MYOM2: variants seen among roughly 807,000 people sequenced by gnomAD.
The protein encoded by MYOM2 is myomesin 2.
A neutral mutation model predicts 187.6 loss-of-function variants in MYOM2; 254 were observed. The ratio of observed to expected loss-of-function variants is 1.35; its 90% CI spans 1.22 to 1.50. MYOM2 has a LOEUF of 1.50. Among genes scored for constraint, MYOM2 ranks in the 40% most tolerant of loss-of-function variants. The pLI is 0.00. For synonymous variants in MYOM2, 981 were observed against 753.8 expected, an observed-to-expected ratio of 1.30 and a Z score of -4.94; for missense variants, 2,796 against 1,924.0, an observed-to-expected ratio of 1.45 and a Z score of -8.48.
chr8:2,104,827 C>G (rs7842894), intron 21 of MYOM2, among the ~76,000 whole-genome samples: 90,369 of 151,990 alleles, frequency 0.59, 27,160 homozygotes, highest in African/African-American at 0.67. Context: ...ACTGGAACTA[C>G]TCCATTCCAG....
intron 36 of MYOM2, among the ~76,000 whole-genome samples, chr8:2,144,462 G>T (rs1296692353): frequency 6.6e-6 from 1 of 152,198 alleles, no homozygotes; most frequent in Admixed American, 6.5e-5. Flanking sequence ...GAGCTCGCCT[G>T]TGAAGTGGTG....
intron 20 of MYOM2, chr8:2,101,871 C>T (rs1218937939): frequency 6.6e-6 from 1 of 152,310 alleles, no homozygotes; most frequent in East Asian, 1.9e-4. Flanking sequence ...CTTCCTCCAG[C>T]CTCTCTTTCT....
rs1171053209 is a variant in MYOM2, at chr8:2,073,511, C to G, written c.1120+11C>G. On this transcript the variant is annotated intron_variant, in intron 10 of 36. Transcript: ENST00000262113. The stretch of plus-strand genomic sequence containing the variant: ...TCCTGTTTGTCAGAGGTGCGGGCAG[C>G]AGGGTTCTCAGGGTGCAGACCTTGT... The G allele has an allele frequency of 1.9e-6, 3 of 1,587,548 alleles. No homozygotes were observed. The highest frequency in any genetic ancestry group is 2.6e-6 in the Non-Finnish European group (3 of 1,174,398).
chr8:2,136,302 C>A (rs1381248770), intron 32 of MYOM2, among the ~76,000 whole-genome samples: 2 of 152,162 alleles, frequency 1.3e-5, no homozygotes, highest in Non-Finnish European at 2.9e-5. Context: ...ATCTTGCATG[C>A]ATGCATGTGT....
chr8:2,108,843 C>G lies in MYOM2; in HGVS notation c.3043+13C>G, dbSNP rs770024017. 4 of 1,613,630 alleles carry G rather than the reference C, an allele frequency of 2.5e-6. No individual in the cohort carries two copies. Among genetic ancestry groups the G allele is most frequent in the Non-Finnish European group, 3.4e-6 (4 of 1,179,732 alleles). ...ATAAAGAACCCCAGTAAGTAAGCCT[C>G]CAGCCCTTCCCCTCTGCTTGCAGCT... is the stretch of plus-strand genomic sequence containing the variant. On this transcript the variant is annotated intron_variant, in intron 24 of 36. Transcript: ENST00000262113.
At chr8:2,093,197 G>A (rs551262785) in intron 16 of MYOM2, among the ~76,000 whole-genome samples, 1 of 152,310 alleles carries the variant, frequency 6.6e-6, no homozygotes, top group East Asian at 1.9e-4. Context: ...AAAATACACT[G>A]TAAAAAGTGG....
Position 2,045,135 on chromosome 8 carries a change from C to A in MYOM2, c.-46C>A, listed in dbSNP as rs1038219680. On this transcript the variant is annotated 5_prime_UTR_variant, in exon 1 of 37. Coordinates refer to ENST00000262113, the MANE Select transcript of MYOM2 (RefSeq NM_003970.4). ...CTTGGTGAGCCGGTGGTCAGGAATT[C>A]TCTCTCCTCCTTGCAATTTTCCTTT... 1 of 152,416 alleles carries A rather than the reference C, an allele frequency of 6.6e-6. No individual in the cohort carries two copies. Among genetic ancestry groups the A allele is most frequent in the Non-Finnish European group, 1.5e-5 (1 of 68,068 alleles). The allele number at this position is 152,416 out of a possible 1,614,324, so 9.4% of individuals were successfully genotyped here.
intron 5 of MYOM2, 29 bp downstream of exon 5, chr8:2,057,809 G>A: frequency 6.2e-7 from 1 of 1,604,720 alleles, no homozygotes; most frequent in African/African-American, 1.3e-5. Context: ...AGGGGGTGAA[G>A]AAGTCCATTC....
intron 23 of MYOM2, among the ~76,000 whole-genome samples, chr8:2,107,143 A>G (rs1180886319): frequency 6.6e-6 from 1 of 152,204 alleles, no homozygotes; most frequent in Non-Finnish European, 1.5e-5. Flanking sequence ...GTCTGAGTTC[A>G]CCAGGCACAC....
At chr8:2,055,948 C>T (rs1029367285) in intron 3 of MYOM2, among the ~76,000 whole-genome samples, 2 of 152,162 alleles carry the variant, frequency 1.3e-5, no homozygotes, top group Admixed American at 6.5e-5. Context: ...TCCGGCTCGG[C>T]CACCTTTCCC....
intron 13 of MYOM2, among the ~76,000 whole-genome samples, chr8:2,083,687 C>A (rs1036957361): frequency 1.3e-5 from 2 of 152,238 alleles, no homozygotes; most frequent in Non-Finnish European, 2.9e-5. Flanking sequence ...GCTTCCCTCT[C>A]CCTGGCTCGA....
chr8:2,133,970 C>G (rs56272745), intron 32 of MYOM2, among the ~76,000 whole-genome samples: 106,149 of 143,138 alleles, frequency 0.74, 39,662 homozygotes, highest in African/African-American at 0.86. Flanking sequence ...TTAACGTCTT[C>G]TGTAGCCACC....
At chr8:2,132,581 T>TTC (rs200543777) in intron 32 of MYOM2, among the ~76,000 whole-genome samples, 15 of 144,908 alleles carry the variant, frequency 1.0e-4, no homozygotes, top group Non-Finnish European at 1.8e-4. Flanking sequence ...CAGTCTCTCT[T>TTC]TCTCTCTCTC....
chr8:2,100,588 C>G, intron 19 of MYOM2: 2 of 418,038 alleles, frequency 4.8e-6, no homozygotes, highest in South Asian at 3.6e-5. Context: ...GCACACCGTT[C>G]CTCTCTGTGA....
At chr8:2,112,763 A>T (rs1797109663) in intron 25 of MYOM2, among the ~76,000 whole-genome samples, 1 of 152,244 alleles carries the variant, frequency 6.6e-6, no homozygotes, top group Non-Finnish European at 1.5e-5. Flanking sequence ...AGAACATGTG[A>T]AAACAAATGC....
At chr8:2,094,841 C>T (rs1174703133) in intron 17 of MYOM2, among the ~76,000 whole-genome samples, 1 of 152,096 alleles carries the variant, frequency 6.6e-6, no homozygotes, top group African/African-American at 2.4e-5. Context: ...TTATTTTGAT[C>T]AAACGAGACA....
rs79319402 is a variant in MYOM2, at chr8:2,047,359, C to T, written c.-13+2191C>T. Among the ~76,000 whole-genome samples the T allele has an allele frequency of 9.2e-5, 14 of 152,224 alleles. No individual in the cohort carries two copies. The East Asian group carries it at 2.5e-3, about 27-fold the overall frequency. The stretch of plus-strand genomic sequence containing the variant: ...AGTCCCCCAAGGAGTGAAGAGATTG[C>T]GGAGGGGACACACATTCAGGGTGGG... On this transcript the variant is annotated intron_variant, in intron 1 of 36. Coordinates refer to ENST00000262113, the MANE Select transcript of MYOM2 (RefSeq NM_003970.4).
chr8:2,063,796 G>C (rs954016423), intron 6 of MYOM2, among the ~76,000 whole-genome samples: 12 of 152,170 alleles, frequency 7.9e-5, no homozygotes, highest in Non-Finnish European at 1.5e-4. Context: ...TCTCCCAGGG[G>C]GTTGTTTTAG....
intron 28 of MYOM2, among the ~76,000 whole-genome samples, chr8:2,118,329 T>C (rs1797315092): frequency 6.6e-6 from 1 of 152,212 alleles, no homozygotes; most frequent in African/African-American, 2.4e-5. Context: ...AAGATACTTC[T>C]TTCAGTTTCG....
Sources: gnomAD v4.1 joint callset for allele counts (sites outside exome capture counted in the v4.1 genomes callset) on GRCh38, gnomAD v4.1.1 for gene constraint, MANE v1.5 for transcripts, NCBI Gene and HGNC (gene_info 2026-07-23, HGNC 2026-07-21) for gene names.